The following UBR4 variants were observed in gnomAD, a reference collection of about 807,000 sequenced individuals.
The protein encoded by UBR4 is E3 ubiquitin-protein ligase UBR4.
UBR4 carries 124 observed loss-of-function variants against 575.6 expected under a neutral mutation model. That is an observed-to-expected ratio of 0.22 (90% CI 0.19 to 0.25). UBR4 has a LOEUF of 0.25. Ranked by LOEUF, UBR4 falls within the 10% of genes least tolerant of loss-of-function variation. The pLI is 1.00. For missense variants in UBR4, 4,818 were observed against 6,478.8 expected, an observed-to-expected ratio of 0.74 and a Z score of 8.80; for synonymous variants, 2,455 against 2,473.7, an observed-to-expected ratio of 0.99 and a Z score of 0.22.
In UBR4 at chr1:19,093,608, A is replaced by G. The variant is rs1388821374; in HGVS notation, c.13938-122T>C. 9 of 1,094,808 alleles carry G rather than the reference A, an allele frequency of 8.2e-6. No individual in the cohort carries two copies. The African/African-American group carries it at 1.4e-4, about 17-fold the overall frequency. 67.8% of individuals were successfully genotyped at this position (1,094,808 alleles called of 1,614,324 possible). On this transcript the variant is annotated intron_variant, in intron 95 of 105. Coordinates refer to ENST00000375254, the MANE Select transcript of UBR4 (RefSeq NM_020765.3). This position sits in a 1 kb window ranked among gnomAD's most constrained non-coding sequence, Gnocchi z 4.8. ...TCAAGGCTAAATTCCCTAACGTGAC[A>G]CAAAGACCTATCTGCCCCGGCTCCT...
At chr1:19,201,610 C>T (rs924446528) in intron 2 of UBR4, 108 bp downstream of exon 2, 11 of 951,390 alleles carry the variant, frequency 1.2e-5, no homozygotes, top group Admixed American at 4.8e-5. Context: ...CTTAGGAGTG[C>T]TAAAACCTAG....
At chr1:19,098,866 A>C (rs1253703296) in intron 90 of UBR4, among the ~76,000 whole-genome samples, 1 of 152,210 alleles carries the variant, frequency 6.6e-6, no homozygotes, top group Non-Finnish European at 1.5e-5. Flanking sequence ...TAATTAAGTT[A>C]CTTATCTGAT....
In UBR4 at chr1:19,089,535, T is replaced by C. The variant is rs367819954; in HGVS notation, c.14212-558A>G. Among the ~76,000 whole-genome samples, 1 of 152,084 alleles carries C rather than the reference T, an allele frequency of 6.6e-6. No individual in the cohort carries two copies. The highest frequency in any genetic ancestry group is 1.5e-5 in the Non-Finnish European group (1 of 68,038). Reference sequence around the variant, plus strand: ...AAAAACTTTAACAACAAAAAAGATATTAACAAGAAACCTCTGTGCCTGAAA... The same window carrying C: ...AAAAACTTTAACAACAAAAAAGATACTAACAAGAAACCTCTGTGCCTGAAA... On this transcript the variant is annotated intron_variant, in intron 97 of 105. Transcript: ENST00000375254. The surrounding 1 kb of genome is among the most constrained non-coding windows in gnomAD (Gnocchi z 4.3).
Position 19,141,462 on chromosome 1 carries a change from C to T in UBR4, c.8373G>A (p.Glu2791=). Residue 2791 remains glutamate, a synonymous_variant, in exon 57 of 106, where the codon GAG becomes GAA. Coordinates refer to ENST00000375254, the MANE Select transcript of UBR4 (RefSeq NM_020765.3). ...AGCCCTCTGCGCCTGCCAGCAGGGC[C>T]TCCAGGGGAGAGGGGTTGCCATTGT... is the stretch of plus-strand genomic sequence containing the variant. ...NVNNGNPSPL[E]ALLAGAEGFP... is the part of the protein sequence containing the mutation. 6.2e-7 allele frequency: 1 copy of T among 1,614,076 alleles called. No individual in the cohort carries two copies. The highest frequency in any genetic ancestry group is 8.5e-7 in the Non-Finnish European group (1 of 1,179,952).
chr1:19,198,081 T>C (rs2092563047), intron 5 of UBR4, 32 bp from the exon 6 acceptor site: 2 of 1,598,356 alleles, frequency 1.3e-6, no homozygotes. Context: ...GTCAAGATAC[T>C]ATTATCTCTT....
At chr1:19,190,380 T>C (rs2091977932) in intron 11 of UBR4, among the ~76,000 whole-genome samples, 2 of 150,134 alleles carry the variant, frequency 1.3e-5, no homozygotes, top group African/African-American at 4.9e-5. Context: ...CATTTTTATG[T>C]TCATCACAGC....
At position 19,095,493 on chromosome 1, in the gene UBR4, C is replaced by T. The variant is rs2077944328; in HGVS notation, c.13626+52G>A. ...GAGCCCAGAACTGAGAGGTCTTTCA[C>T]ACCCAGACTTCCAAGGCCCACTCTT... On this transcript the variant is annotated intron_variant, in intron 93 of 105. Coordinates refer to ENST00000375254, the MANE Select transcript of UBR4 (RefSeq NM_020765.3). 5 of 1,561,994 alleles carry T rather than the reference C, an allele frequency of 3.2e-6. No individual in the cohort carries two copies. The Admixed American group carries it at 8.4e-5, about 26-fold the overall frequency.
In UBR4 at chr1:19,152,201, G is replaced by T. The variant is rs2085829688; in HGVS notation, c.6996+112C>A. 1.4e-6 allele frequency: 2 copies of T among 1,406,572 alleles called. No homozygotes were observed. The highest frequency in any genetic ancestry group is 2.3e-5 in the East Asian group (1 of 43,490). The allele number at this position is 1,406,572 out of a possible 1,614,324, so 87.1% of individuals were successfully genotyped here. A position where few individuals can be genotyped will look rare whatever the true frequency, so the allele number is the denominator to read the frequency against. On this transcript the variant is annotated intron_variant, in intron 47 of 105. Coordinates refer to ENST00000375254, the MANE Select transcript of UBR4 (RefSeq NM_020765.3). The surrounding 1 kb of genome is among the most constrained non-coding windows in gnomAD (Gnocchi z 4.4). The stretch of plus-strand genomic sequence containing the variant: ...AACCATTTAACTAGAACCGAGGGTT[G>T]TGACTGTGAGTATATACTCTATACT...
intron 105 of UBR4, 113 bp from the exon 106 acceptor site, chr1:19,075,009 GC>G (rs2075780220): frequency 8.9e-7 from 1 of 1,128,308 alleles, no homozygotes; most frequent in African/African-American, 1.5e-5. Context: ...ACAAGCTCTG[GC>G]CCGGCTGCTC....
chr1:19,121,888 C>G (rs1213878437), intron 67 of UBR4, 46 bp downstream of exon 67: 1 of 1,607,946 alleles, frequency 6.2e-7, no homozygotes. Flanking sequence ...CTTAACAGTT[C>G]CTGAATGAAT....
chr1:19,095,059 T>G (rs373561085), intron 93 of UBR4, 34 bp from the exon 94 acceptor site: 35 of 1,613,890 alleles, frequency 2.2e-5, no homozygotes, highest in Non-Finnish European at 2.8e-5. Context: ...ACTCTCAGAA[T>G]AAGACCACAG....
intron 1 of UBR4, among the ~76,000 whole-genome samples, chr1:19,202,224 A>C (rs2092777350): frequency 6.6e-6 from 1 of 152,176 alleles, no homozygotes; most frequent in Non-Finnish European, 1.5e-5. Context: ...AGCTTAGAGA[A>C]TTAAAATTAA....
At chr1:19,145,699 A>C in intron 53 of UBR4, 94 bp downstream of exon 53, 1 of 1,432,770 alleles carries the variant, frequency 7.0e-7, no homozygotes, top group Non-Finnish European at 9.5e-7. Flanking sequence ...TGGATTATGA[A>C]GAATGAAAGC....
intron 31 of UBR4, 58 bp from the exon 32 acceptor site, chr1:19,165,055 G>A (rs2088093884): frequency 6.3e-7 from 1 of 1,593,280 alleles, no homozygotes; most frequent in Non-Finnish European, 8.6e-7. Context: ...AGAGAAAGAA[G>A]GGGCAAACTG....
intron 49 of UBR4, among the ~76,000 whole-genome samples, chr1:19,150,206 T>C (rs575961935): frequency 5.9e-5 from 9 of 152,220 alleles, no homozygotes; most frequent in South Asian, 4.1e-4. Flanking sequence ...GATGAAAAGA[T>C]GATGAGCTCA....
rs755567178 is a variant in UBR4 at position 19,086,818 on chromosome 1, T to C, written c.14548A>G (p.Thr4850Ala). Residue 4850 changes from threonine to alanine, a missense_variant, in exon 100 of 106, where the codon ACA (threonine) becomes GCA (alanine). Transcript: ENST00000375254. ...ICREGYKFQPTKVLGIYTFTK... is the reference protein window; with the variant it reads ...ICREGYKFQPAKVLGIYTFTK... ...AAGGTATAAATGCCCAGGACCTTTG[T>C]GGGCTGCAAAGACGACAACATAAGG... 1 of 1,614,042 alleles carries C rather than the reference T, an allele frequency of 6.2e-7. No individual in the cohort carries two copies. The highest frequency in any genetic ancestry group is 8.5e-7 in the Non-Finnish European group (1 of 1,179,920).
Position 19,117,674 on chromosome 1 carries a change from A to G in UBR4, c.10629+149T>C. 1.1e-6 allele frequency: 1 copy of G among 875,488 alleles called. No homozygotes were observed. Among genetic ancestry groups the G allele is most frequent in the South Asian group, 1.7e-5 (1 of 60,492 alleles). 54.2% of individuals were successfully genotyped at this position (875,488 alleles called of 1,614,324 possible). Reference sequence around the variant, plus strand: ...ACTGCACCCAGCCAAGTTTCTATTTAAGGTAATAAATGTGGCAGATAAAAA... The same window carrying G: ...ACTGCACCCAGCCAAGTTTCTATTTGAGGTAATAAATGTGGCAGATAAAAA... On this transcript the variant is annotated intron_variant, in intron 72 of 105. Transcript: ENST00000375254. This position sits in a 1 kb window ranked among gnomAD's most constrained non-coding sequence, Gnocchi z 4.0.
intron 35 of UBR4, 56 bp from the exon 36 acceptor site, chr1:19,161,953 AC>A: frequency 6.3e-7 from 1 of 1,595,154 alleles, no homozygotes; most frequent in Non-Finnish European, 8.6e-7. Flanking sequence ...ATAAACACCC[AC>A]AAAAACACAT....
chr1:19,076,928 G>C (rs760844742), intron 104 of UBR4, 26 bp from the exon 105 acceptor site: 1 of 1,526,818 alleles, frequency 6.5e-7, no homozygotes. Flanking sequence ...GGAGACAAGA[G>C]AGGTGGGTGA....
Sources: allele counts gnomAD v4.1 joint callset (sites outside exome capture counted in the v4.1 genomes callset), GRCh38; gene constraint gnomAD v4.1.1; non-coding constraint Gnocchi (gnomAD v3.1); transcripts MANE v1.5; gene names NCBI Gene and HGNC (gene_info 2026-07-23, HGNC 2026-07-21).